Variants in DNAI1 observed in about 807,000 individuals in gnomAD.
DNAI1 encodes dynein, axonemal, intermediate polypeptide 1.
Under a neutral mutation model 92.0 loss-of-function variants are expected in DNAI1, and 67 were observed. The ratio of observed to expected loss-of-function variants is 0.73; its 90% confidence interval spans 0.60 to 0.89. The LOEUF (loss-of-function observed/expected upper bound fraction) is 0.89, where lower values mean the gene tolerates loss of function less well. DNAI1 is among the 40% of genes least tolerant of loss of function. The pLI, the probability that DNAI1 is intolerant of heterozygous loss-of-function variation, is 0.00. For missense variants in DNAI1, 839 were observed against 866.6 expected (o/e 0.97, Z 0.40); for synonymous variants, 323 against 319.6 (o/e 1.01, Z -0.11).
chr9:34,496,239 G>A (rs1289063528), intron 9 of DNAI1, among the ~76,000 whole-genome samples: 2 of 152,304 alleles, frequency 1.3e-5, no homozygotes, highest in South Asian at 2.1e-4. Context: ...AGGTCTGTGC[G>A]GCTCTAGAAC....
intron 7 of DNAI1, 172 bp from the exon 8 acceptor site, chr9:34,491,323 G>A: frequency 1.4e-6 from 1 of 705,954 alleles, no homozygotes; most frequent in Non-Finnish European, 2.6e-6. Context: ...ACACAATATG[G>A]GCTTTGAATG....
intron 1 of DNAI1, among the ~76,000 whole-genome samples, chr9:34,469,839 C>G (rs756961054): frequency 5.3e-5 from 8 of 152,192 alleles, no homozygotes; most frequent in Admixed American, 2.6e-4. Context: ...CTCGGCCTCC[C>G]AGAGTGCTGA....
In DNAI1 at chr9:34,500,706, C is replaced by G. The variant is rs2132071917; in HGVS notation, c.902-16C>G. On this transcript the variant is annotated splice_polypyrimidine_tract_variant and intron_variant, in intron 10 of 19. Coordinates refer to ENST00000242317, the MANE Select transcript of DNAI1 (RefSeq NM_012144.4). ...AGCGGCAGTCCCAGGGCTGACTCTGCCTGTGTGTGTTTAAGATTTTAAGTA... is the reference window on the plus strand; with the variant it reads ...AGCGGCAGTCCCAGGGCTGACTCTGGCTGTGTGTGTTTAAGATTTTAAGTA... 6.3e-7 allele frequency: 1 copy of G among 1,595,994 alleles called. No homozygotes were observed. The highest frequency in any genetic ancestry group is 8.6e-7 in the Non-Finnish European group (1 of 1,164,480).
chr9:34,517,600 C>A, intron 19 of DNAI1, 133 bp downstream of exon 19: 1 of 1,015,950 alleles, frequency 9.8e-7, no homozygotes, highest in Non-Finnish European at 1.5e-6. Flanking sequence ...GTGTCATTGC[C>A]TGAATGAGGC....
intron 13 of DNAI1, among the ~76,000 whole-genome samples, chr9:34,509,127 A>C (rs1825015210): frequency 6.6e-6 from 1 of 152,162 alleles, no homozygotes; most frequent in Non-Finnish European, 1.5e-5. Flanking sequence ...TAAGTGCTAA[A>C]GTAGAAGTGC....
Position 34,489,326 on chromosome 9 carries a change from G to T in DNAI1, c.265G>T (p.Gly89Cys). ...QNIVRYSFKE[G>C]TYKPIGFVNQ... ...GACTCAGCCCCTCTCTTCTTAGGAAGGCACATATAAGCCTATTGGCTTTGT... is the reference window on the plus strand; with the variant it reads ...GACTCAGCCCCTCTCTTCTTAGGAATGCACATATAAGCCTATTGGCTTTGT... Residue 89 changes from glycine to cysteine, a missense_variant, in exon 5 of 20, where the codon GGC (glycine) becomes TGC (cysteine). Gly to Cys is a radical substitution (Grantham distance 159). Coordinates refer to ENST00000242317, the MANE Select transcript of DNAI1 (RefSeq NM_012144.4). 1 of 1,613,956 alleles carries T rather than the reference G, an allele frequency of 6.2e-7. No homozygotes were observed. Among genetic ancestry groups the T allele is most frequent in the Non-Finnish European group, 8.5e-7 (1 of 1,179,918 alleles).
intron 4 of DNAI1, 92 bp from the exon 5 acceptor site, chr9:34,489,231 A>T: frequency 1.4e-6 from 2 of 1,463,538 alleles, no homozygotes; most frequent in East Asian, 4.6e-5. Context: ...ACAAAGATGG[A>T]CTGTCTTTGA....
chr9:34,512,235 T>C, intron 14 of DNAI1, 37 bp downstream of exon 14: 1 of 1,612,320 alleles, frequency 6.2e-7, no homozygotes, highest in Non-Finnish European at 8.5e-7. Flanking sequence ...CTGGGGTGAT[T>C]GGGGAGGCAG....
chr9:34,511,139 C>A (rs1377764908), intron 13 of DNAI1, among the ~76,000 whole-genome samples: 1 of 152,174 alleles, frequency 6.6e-6, no homozygotes, highest in Admixed American at 6.5e-5. Flanking sequence ...CCAGCATGGG[C>A]GGTCTGGAGG....
chr9:34,465,206 TAA>T (rs2132039815), intron 1 of DNAI1, among the ~76,000 whole-genome samples: 1 of 152,312 alleles, frequency 6.6e-6, no homozygotes, highest in East Asian at 1.9e-4. Flanking sequence ...ATTGTTTTTT[TAA>T]GATGACAGAC....
intron 1 of DNAI1, 109 bp downstream of exon 1, chr9:34,459,162 C>T (rs946387190): frequency 8.4e-6 from 9 of 1,067,208 alleles, no homozygotes; most frequent in African/African-American, 6.2e-5. Context: ...TTGACCCCAG[C>T]CTTCTCACCC....
chr9:34,517,565 A>G, intron 19 of DNAI1, 98 bp downstream of exon 19: 1 of 1,405,920 alleles, frequency 7.1e-7, no homozygotes, highest in Non-Finnish European at 1.0e-6. Context: ...CCAGTTTCTG[A>G]TGTGGGAGAC....
At chr9:34,472,388 G>A (rs1025338306) in intron 1 of DNAI1, among the ~76,000 whole-genome samples, 3 of 152,148 alleles carry the variant, frequency 2.0e-5, no homozygotes, top group African/African-American at 4.8e-5. Context: ...TTTTAAATCC[G>A]ATACTTTCTG....
At position 34,517,401 on chromosome 9, in the gene DNAI1, T is replaced by C. The variant is rs1393988058; in HGVS notation, c.1935T>C (p.Ile645=). 6.2e-7 allele frequency: 1 copy of C among 1,614,174 alleles called. No homozygotes were observed. The part of the protein sequence containing the change: ...VQFNLIHPII[I]VGDDRGHIIS... ...TCAATCTCATCCACCCCATCATCAT[T>C]GTGGGCGATGACCGTGGGCACATCA... The change falls in exon 19 of 20, where the codon ATT becomes ATC. Residue 645 remains isoleucine (I), a synonymous_variant. Transcript: ENST00000242317.
chr9:34,517,353 G>C lies in DNAI1; in HGVS notation c.1887G>C (p.Lys629Asn). Residue 629 changes from lysine to asparagine, a missense_variant, in exon 19 of 20, where the codon AAG (lysine) becomes AAC (asparagine). Lys to Asn is a moderately conservative substitution (Grantham distance 94). Coordinates refer to ENST00000242317, the MANE Select transcript of DNAI1 (RefSeq NM_012144.4). ...GCAACCAGCCTGTGGCGGCCAAAAA[G>C]AACAGGCTCACCCACGTGCAGTTCA... The part of the protein sequence containing the change: ...AICNQPVAAK[K>N]NRLTHVQFNL... 1 of 1,614,156 alleles carries C rather than the reference G, an allele frequency of 6.2e-7. No individual in the cohort carries two copies. Among genetic ancestry groups the C allele is most frequent in the Non-Finnish European group, 8.5e-7 (1 of 1,180,024 alleles).
chr9:34,476,972 G>C (rs1327972862), intron 1 of DNAI1, among the ~76,000 whole-genome samples: 1 of 152,132 alleles, frequency 6.6e-6, no homozygotes, highest in African/African-American at 2.4e-5. Flanking sequence ...AGGGGCTTGG[G>C]CTTCATCTCA....
intron 4 of DNAI1, chr9:34,488,116 A>T (rs1564032313): frequency 2.5e-6 from 1 of 393,830 alleles, no homozygotes. Context: ...TTGAGCATTT[A>T]TTATGTGTCA....
Position 34,514,491 on chromosome 9 carries a change from T to C in DNAI1, c.1667T>C (p.Phe556Ser), listed in dbSNP as rs1554691490. The change falls in exon 17 of 20, where the codon TTC becomes TCC. Residue 556 changes from phenylalanine to serine, a missense_variant. Physicochemically the swap from Phe to Ser is radical, Grantham distance 155. Coordinates refer to ENST00000242317, the MANE Select transcript of DNAI1 (RefSeq NM_012144.4). The stretch of plus-strand genomic sequence containing the variant: ...TGGAACCCATACCACACCAAGGTCT[T>C]CATGTCCTGCAGCTCCGACTGGACA... ...VSWNPYHTKV[F>S]MSCSSDWTVK... 3 of 1,614,218 alleles carry C rather than the reference T, an allele frequency of 1.9e-6. No individual in the cohort carries two copies. The highest frequency in any genetic ancestry group is 1.6e-4 in the Middle Eastern group (1 of 6,062).
At chr9:34,509,115 G>A (rs750916174) in intron 13 of DNAI1, among the ~76,000 whole-genome samples, 3 of 152,174 alleles carry the variant, frequency 2.0e-5, no homozygotes, top group Non-Finnish European at 2.9e-5. Flanking sequence ...AGGGCAGCGT[G>A]CTAAGTGCTA....
Sources: gnomAD v4.1 joint callset for allele counts (sites outside exome capture counted in the v4.1 genomes callset) on GRCh38, gnomAD v4.1.1 for gene constraint, MANE v1.5 for transcripts, NCBI Gene and HGNC (gene_info 2026-07-23, HGNC 2026-07-21) for gene names.